Variants in UCP2 observed in about 807,000 individuals in gnomAD.
UCP2 encodes dicarboxylate carrier SLC25A8.
Under a neutral mutation model 31.3 loss-of-function variants are expected in UCP2, and 27 were observed. The ratio of observed to expected loss-of-function variants is 0.86; its 90% confidence interval spans 0.64 to 1.19. The LOEUF (loss-of-function observed/expected upper bound fraction) is 1.19. Ranked by LOEUF, UCP2 falls within the 50% of genes most tolerant of loss-of-function variation. UCP2 has a pLI of 0.00. For synonymous variants in UCP2, 142 were observed against 157.4 expected, an observed-to-expected ratio of 0.90 and a Z score of 0.73; for missense variants, 377 against 413.5, an observed-to-expected ratio of 0.91 and a Z score of 0.76.
At chr11:73,977,160 G>C in intron 4 of UCP2, 143 bp from the exon 5 acceptor site, 1 of 829,826 alleles carries the variant, frequency 1.2e-6, no homozygotes, top group Non-Finnish European at 1.8e-6. Context: ...ACAAGCTCTT[G>C]CTGTAAGAAC....
Position 73,975,530 on chromosome 11 carries a change from G to C in UCP2, c.776C>G (p.Thr259Ser), listed in dbSNP as rs1280500728. 6.2e-7 allele frequency: 1 copy of C among 1,612,978 alleles called. No homozygotes were observed. The highest frequency in any genetic ancestry group is 1.1e-5 in the South Asian group (1 of 91,054). The change falls in exon 7 of 8, where the codon ACC becomes AGC. Residue 259 changes from threonine (T) to serine (S), a missense_variant. By Grantham distance (58) the Thr-to-Ser change is moderately conservative. Transcript: ENST00000663595. The part of the protein sequence containing the change: ...QYSSAGHCAL[T>S]MLQKEGPRAF... ...TCGGGGCCCCTCCTTCTGGAGCATG[G>C]TAAGGGCACAGTGGCCAGCGCTACT...
At chr11:73,979,141 G>A (rs1463288293) in intron 2 of UCP2, among the ~76,000 whole-genome samples, 1 of 152,222 alleles carries the variant, frequency 6.6e-6, no homozygotes, top group Non-Finnish European at 1.5e-5. Context: ...GGCACAGGGG[G>A]TGGATGGGCA....
rs1291669792 is a variant in UCP2, at chr11:73,974,677, T to C, written c.*330A>G. The stretch of plus-strand genomic sequence containing the variant: ...ACAAGAGAGGGAGGAGACGCCAAGG[T>C]TGAGCTTGCTTTATGGATGACAAGT... On this transcript the variant is annotated 3_prime_UTR_variant, in exon 8 of 8. Transcript: ENST00000663595. 5 of 372,630 alleles carry C rather than the reference T, an allele frequency of 1.3e-5. No homozygotes were observed. In the Admixed American group the frequency reaches 1.9e-4, roughly 14 times the overall value. The allele number at this position is 372,630 out of a possible 1,614,324, so 23.1% of individuals were successfully genotyped here.
intron 2 of UCP2, chr11:73,980,644 A>G (rs1951436330): frequency 6.6e-6 from 1 of 152,136 alleles, no homozygotes; most frequent in South Asian, 2.1e-4. Flanking sequence ...CCTTATTTCC[A>G]TGTGAGATGA....
chr11:73,975,234 C>A, intron 7 of UCP2, 113 bp from the exon 8 acceptor site: 1 of 1,060,316 alleles, frequency 9.4e-7, no homozygotes, highest in South Asian at 1.4e-5. Flanking sequence ...TGGGAGGACT[C>A]AATGAACTGA....
intron 7 of UCP2, 104 bp from the exon 8 acceptor site, chr11:73,975,225 G>C: frequency 8.8e-7 from 1 of 1,141,484 alleles, no homozygotes. Context: ...AAAGGAGGCT[G>C]GGAGGACTCA....
rs1334811800 is a variant in UCP2, at chr11:73,978,026, A to T, written c.197T>A (p.Ile66Asn). The T allele has an allele frequency of 6.2e-7, 1 of 1,614,070 alleles. No individual in the cohort carries two copies. Among genetic ancestry groups the T allele is most frequent in the East Asian group, 2.2e-5 (1 of 44,888 alleles). Residue 66 changes from isoleucine to asparagine, a missense_variant, in exon 4 of 8, where the codon ATT becomes AAT. Transcript: ENST00000663595. ...SAQYRGVMGT[I>N]LTMVRTEGPR... Reference sequence around the variant, plus strand: ...GCCCTCAGTACGCACCATGGTCAGAATGGTGCCCATCACACCGCGGTACTG... The same window carrying T: ...GCCCTCAGTACGCACCATGGTCAGATTGGTGCCCATCACACCGCGGTACTG...
chr11:73,977,212 T>C (rs891757356), intron 4 of UCP2, 195 bp from the exon 5 acceptor site: 1 of 601,394 alleles, frequency 1.7e-6, no homozygotes, highest in African/African-American at 1.8e-5. Context: ...ATCTACTTCT[T>C]GCTAGGGACA....
chr11:73,977,193 C>T lies in UCP2; in HGVS notation c.338-176G>A, dbSNP rs961243500. Reference sequence around the variant, plus strand: ...AACTCCTCACATCAAACAAAATATCCCTATGAATATCTACTTCTTGCTAGG... The same window carrying T: ...AACTCCTCACATCAAACAAAATATCTCTATGAATATCTACTTCTTGCTAGG... On this transcript the variant is annotated intron_variant, in intron 4 of 7. Transcript: ENST00000663595. The T allele has an allele frequency of 8.0e-6, 5 of 626,478 alleles. No homozygotes were observed. The African/African-American group carries it at 9.2e-5, about 11-fold the overall frequency. 38.8% of individuals were successfully genotyped at this position (626,478 alleles called of 1,614,324 possible).
intron 2 of UCP2, chr11:73,981,256 C>T (rs1009343868): frequency 6.6e-6 from 1 of 152,202 alleles, no homozygotes; most frequent in Admixed American, 6.5e-5. Context: ...TCAGTTTTCT[C>T]CTTTATAAAA....
At position 73,975,128 on chromosome 11, in the gene UCP2, G is replaced by T. The variant is rs1240232723; in HGVS notation, c.816-7C>A. 6 of 1,608,222 alleles carry T rather than the reference G, an allele frequency of 3.7e-6. No homozygotes were observed. Among genetic ancestry groups the T allele is most frequent in the African/African-American group, 1.3e-5 (1 of 74,752 alleles). On this transcript the variant is annotated splice_polypyrimidine_tract_variant and splice_region_variant and intron_variant, in intron 7 of 7. Coordinates refer to ENST00000663595, the MANE Select transcript of UCP2 (RefSeq NM_003355.3). The stretch of plus-strand genomic sequence containing the variant: ...GAGAAAGGAGGGCATGAACCTAGAG[G>T]AGAAAAATCACAGGTCATGGGGGCA...
chr11:73,980,284 C>T (rs116311356), intron 2 of UCP2, among the ~76,000 whole-genome samples: 2,065 of 152,272 alleles, frequency 0.014, 44 homozygotes, highest in African/African-American at 0.048. Flanking sequence ...AGGGAGTCAG[C>T]TGTGAACACA....
chr11:73,978,293 A>C lies in UCP2; in HGVS notation c.86T>G (p.Leu29Arg). 1 of 1,614,206 alleles carries C rather than the reference A, an allele frequency of 6.2e-7. No individual in the cohort carries two copies. The highest frequency in any genetic ancestry group is 8.5e-7 in the Non-Finnish European group (1 of 1,180,038). ...GAGTAACIAD[L>R]ITFPLDTAKV... is the part of the protein sequence containing the mutation. Reference sequence around the variant, plus strand: ...AGCAGTATCCAGAGGAAAGGTGATGAGATCTGCGATGCAGGCAGCTGTGCC... The same window carrying C: ...AGCAGTATCCAGAGGAAAGGTGATGCGATCTGCGATGCAGGCAGCTGTGCC... The change falls in exon 3 of 8, where the codon CTC becomes CGC. Residue 29 changes from leucine to arginine, a missense_variant. Transcript: ENST00000663595.
rs761798872 is a variant in UCP2, at chr11:73,976,721, C to T, written c.554G>A (p.Arg185His). Reference protein sequence around the residue: ...LWKGTSPNVARNAIVNCAELV... With the variant: ...LWKGTSPNVAHNAIVNCAELV... ...CTCAGCACAGTTGACAATGGCATTACGAGCAACATTGGGAGAGGTCCCTGT... is the reference window on the plus strand; with the variant it reads ...CTCAGCACAGTTGACAATGGCATTATGAGCAACATTGGGAGAGGTCCCTGT... The change falls in exon 6 of 8, where the codon CGT becomes CAT. Residue 185 changes from arginine (R) to histidine (H), a missense_variant. Coordinates refer to ENST00000663595, the MANE Select transcript of UCP2 (RefSeq NM_003355.3). The T allele has an allele frequency of 7.4e-6, 12 of 1,613,984 alleles. No homozygotes were observed. Among genetic ancestry groups the T allele is most frequent in the East Asian group, 2.2e-5 (1 of 44,896 alleles).
chr11:73,974,962 G>C lies in UCP2; in HGVS notation c.*45C>G. ...AGGAAGAAAAGGAAAGCATGGCCCG[G>C]CTAGAGACAAAGCCAGAGGTGATCA... On this transcript the variant is annotated 3_prime_UTR_variant, in exon 8 of 8. Transcript: ENST00000663595. 1 of 1,515,480 alleles carries C rather than the reference G, an allele frequency of 6.6e-7. No homozygotes were observed. Among genetic ancestry groups the C allele is most frequent in the Non-Finnish European group, 9.1e-7 (1 of 1,099,116 alleles). The allele number at this position is 1,515,480 out of a possible 1,614,324, so 93.9% of individuals were successfully genotyped here. A position where few individuals can be genotyped will look rare whatever the true frequency, so the allele number is the denominator to read the frequency against.
At chr11:73,979,029 C>T (rs963721412) in intron 2 of UCP2, among the ~76,000 whole-genome samples, 1 of 152,240 alleles carries the variant, frequency 6.6e-6, no homozygotes, top group Non-Finnish European at 1.5e-5. Context: ...TCTCACACAG[C>T]TTAGGATCTC....
chr11:73,982,430 C>T (rs1261560131), intron 1 of UCP2, among the ~76,000 whole-genome samples: 1 of 152,062 alleles, frequency 6.6e-6, no homozygotes, highest in Non-Finnish European at 1.5e-5. Context: ...CTACAAAACA[C>T]AAAAATTAGC....
At chr11:73,982,531 C>G (rs1951476651) in intron 1 of UCP2, among the ~76,000 whole-genome samples, 190 bp downstream of exon 1, 1 of 152,184 alleles carries the variant, frequency 6.6e-6, no homozygotes, top group South Asian at 2.1e-4. Flanking sequence ...GCCGAGATCG[C>G]GCCACTGCAC....
In UCP2 at chr11:73,978,024, G is replaced by A. The variant is rs1484436688; in HGVS notation, c.199C>T (p.Leu67=). ...AQYRGVMGTI[L]TMVRTEGPRS... ...GGGCCCTCAGTACGCACCATGGTCA[G>A]AATGGTGCCCATCACACCGCGGTAC... The change falls in exon 4 of 8, where the codon CTG becomes TTG. Residue 67 remains leucine (L), a synonymous_variant. Transcript: ENST00000663595. 1 of 1,614,226 alleles carries A rather than the reference G, an allele frequency of 6.2e-7. No individual in the cohort carries two copies. Among genetic ancestry groups the A allele is most frequent in the Non-Finnish European group, 8.5e-7 (1 of 1,180,038 alleles).
Sources: gnomAD v4.1 joint callset for allele counts (sites outside exome capture counted in the v4.1 genomes callset) on GRCh38, gnomAD v4.1.1 for gene constraint, MANE v1.5 for transcripts, NCBI Gene and HGNC (gene_info 2026-07-23, HGNC 2026-07-21) for gene names.